TIMM50: variants seen among roughly 807,000 people sequenced by gnomAD.
TIMM50 encodes translocase of inner mitochondrial membrane 50, also known as mitochondrial import inner membrane translocase subunit TIM50.
In TIMM50, 34 loss-of-function variants were observed where a neutral mutation model predicts 49.6. The observed-to-expected ratio is 0.69, with a 90% CI of 0.52 to 0.91. TIMM50 has a LOEUF of 0.91. Among genes scored for constraint, TIMM50 ranks in the 40% least tolerant of loss-of-function variants. The pLI, the probability that TIMM50 is intolerant of heterozygous loss-of-function variation, is 0.00. For synonymous variants in TIMM50, 199 were observed against 198.4 expected, an observed-to-expected ratio of 1.00 and a Z score of -0.03; for missense variants, 458 against 477.8, an observed-to-expected ratio of 0.96 and a Z score of 0.39.
chr19:39,491,701 A>G lies in TIMM50; in HGVS notation c.*1881A>G, dbSNP rs2079546215. 1 of 151,446 alleles carries G rather than the reference A, an allele frequency of 6.6e-6. No homozygotes were observed. Among genetic ancestry groups the G allele is most frequent in the African/African-American group, 2.4e-5 (1 of 41,260 alleles). 9.4% of individuals were successfully genotyped at this position (151,446 alleles called of 1,614,324 possible). On this transcript the variant is annotated 3_prime_UTR_variant, in exon 11 of 11. Transcript: ENST00000607714. ...GCCCAGCGAGGTTATGCATACCTGT[A>G]GTCCCAGCTACGTGAGAGGCTGAGG... is the stretch of plus-strand genomic sequence containing the variant.
At position 39,490,773 on chromosome 19, in the gene TIMM50, G is replaced by A. The variant is rs1305054568; in HGVS notation, c.*953G>A. On this transcript the variant is annotated 3_prime_UTR_variant, in exon 11 of 11. Transcript: ENST00000607714. ...GCAGTGGCTCACGCCTGTAATCCCA[G>A]CACTTTGGGAGGCTGAGGTGGGTGG... 1 of 151,988 alleles carries A rather than the reference G, an allele frequency of 6.6e-6. No individual in the cohort carries two copies. Among genetic ancestry groups the A allele is most frequent in the African/African-American group, 2.4e-5 (1 of 41,398 alleles). The allele number at this position is 151,988 out of a possible 1,614,324, so 9.4% of individuals were successfully genotyped here. A position where few individuals can be genotyped will look rare whatever the true frequency, so the allele number is the denominator to read the frequency against.
In TIMM50 at chr19:39,493,112, C is replaced by T. The variant is rs1333245393; in HGVS notation, c.*3292C>T. On this transcript the variant is annotated 3_prime_UTR_variant, in exon 11 of 11. Transcript: ENST00000607714. ...ACTCTAGATTTTTTTTTTTTTGAAG[C>T]CTCTACAAAGGATAATTAAAATTTA... The T allele has an allele frequency of 1.3e-5, 2 of 151,040 alleles. No individual in the cohort carries two copies. The highest frequency in any genetic ancestry group is 1.3e-4 in the Admixed American group (2 of 15,146). The allele number at this position is 151,040 out of a possible 1,614,324, so 9.4% of individuals were successfully genotyped here.
chr19:39,486,472 T>C lies in TIMM50; in HGVS notation c.673T>C (p.Tyr225His). The change falls in exon 8 of 11, where the codon TAC (tyrosine) becomes CAC (histidine). Residue 225 changes from tyrosine to histidine, a missense_variant. Physicochemically the swap from Tyr to His is moderately conservative, Grantham distance 83. Transcript: ENST00000607714. ...SYRLFRDATRYMDGHHVKDIS... is the reference protein window; with the variant it reads ...SYRLFRDATRHMDGHHVKDIS... ...CCGCCTATTCCGGGACGCCACAAGA[T>C]ACATGGATGGACACCATGTAAAGGT... 1 of 1,614,170 alleles carries C rather than the reference T, an allele frequency of 6.2e-7. No individual in the cohort carries two copies.
In TIMM50 at chr19:39,482,916, G is replaced by A; in HGVS notation, c.291G>A (p.Lys97=). 6.2e-7 allele frequency: 1 copy of A among 1,614,132 alleles called. No homozygotes were observed. ...GNNPVDENGA[K]IPDEFDNDPI... is the part of the protein sequence containing the mutation. ...ACCCGGTGGACGAAAATGGTGCCAA[G>A]GTGAGGGGGAAAGAGACCGAGGCCT... Residue 97 remains lysine (K), a splice_region_variant and synonymous_variant, in exon 3 of 11, where the codon AAG becomes AAA. Coordinates refer to ENST00000607714, the MANE Select transcript of TIMM50 (RefSeq NM_001001563.5).
chr19:39,483,299 G>C lies in TIMM50; in HGVS notation c.313+143G>C, dbSNP rs1954063040. 7.3e-6 allele frequency: 8 copies of C among 1,095,808 alleles called. No homozygotes were observed. In the South Asian group the frequency reaches 8.4e-5, roughly 11 times the overall value. The allele number at this position is 1,095,808 out of a possible 1,614,324, so 67.9% of individuals were successfully genotyped here. A position where few individuals can be genotyped will look rare whatever the true frequency, so the allele number is the denominator to read the frequency against. ...GGAGCCAGCAGCTGGATGGCTTTGT[G>C]GGGAGGGACATTACAAAGCCCAAGC... On this transcript the variant is annotated intron_variant, in intron 4 of 10. Transcript: ENST00000607714.
Position 39,493,456 on chromosome 19 carries a change from T to C in TIMM50, c.*3636T>C, listed in dbSNP as rs897730147. 1.3e-5 allele frequency: 2 copies of C among 151,808 alleles called. No homozygotes were observed. The highest frequency in any genetic ancestry group is 4.9e-5 in the African/African-American group (2 of 41,160). 9.4% of individuals were successfully genotyped at this position (151,808 alleles called of 1,614,324 possible). A position where few individuals can be genotyped will look rare whatever the true frequency, so the allele number is the denominator to read the frequency against. ...CATCGCATCCCCTGTGCCTTGCACATATACACCCAGATGGCCTGAAGTAAC... is the reference window on the plus strand; with the variant it reads ...CATCGCATCCCCTGTGCCTTGCACACATACACCCAGATGGCCTGAAGTAAC... On this transcript the variant is annotated 3_prime_UTR_variant, in exon 11 of 11. Coordinates refer to ENST00000607714, the MANE Select transcript of TIMM50 (RefSeq NM_001001563.5).
At position 39,482,925 on chromosome 19, in the gene TIMM50, G is replaced by A; in HGVS notation, c.291+9G>A. On this transcript the variant is annotated intron_variant, in intron 3 of 10. Coordinates refer to ENST00000607714, the MANE Select transcript of TIMM50 (RefSeq NM_001001563.5). ...ACGAAAATGGTGCCAAGGTGAGGGGGAAAGAGACCGAGGCCTTGCCAGGAG... is the reference window on the plus strand; with the variant it reads ...ACGAAAATGGTGCCAAGGTGAGGGGAAAAGAGACCGAGGCCTTGCCAGGAG... 3 of 1,614,166 alleles carry A rather than the reference G, an allele frequency of 1.9e-6. No homozygotes were observed. Among genetic ancestry groups the A allele is most frequent in the South Asian group, 1.1e-5 (1 of 91,088 alleles).
intron 1 of TIMM50, among the ~76,000 whole-genome samples, chr19:39,481,682 C>T (rs1401847365): frequency 1.3e-5 from 2 of 152,148 alleles, no homozygotes; most frequent in East Asian, 1.9e-4. Context: ...TTTTAAAACT[C>T]CTGGCATCCT....
chr19:39,487,310 C>T (rs1568442649), intron 8 of TIMM50, among the ~76,000 whole-genome samples: 1 of 152,082 alleles, frequency 6.6e-6, no homozygotes, highest in Non-Finnish European at 1.5e-5. Context: ...TGCTCTGTCA[C>T]CCAGGCTGGA....
At chr19:39,489,358 G>A (rs1238440402) in intron 10 of TIMM50, among the ~76,000 whole-genome samples, 2 of 152,142 alleles carry the variant, frequency 1.3e-5, no homozygotes, top group Non-Finnish European at 2.9e-5. Context: ...CTCAGGCTCA[G>A]GGGAGGGGTC....
chr19:39,483,739 A>G (rs1404915504), intron 4 of TIMM50, among the ~76,000 whole-genome samples: 2 of 152,248 alleles, frequency 1.3e-5, no homozygotes, highest in Non-Finnish European at 2.9e-5. Context: ...GGGCAGTTGT[A>G]GAATCATGCT....
intron 4 of TIMM50, among the ~76,000 whole-genome samples, chr19:39,483,912 G>C (rs2079488375): frequency 6.6e-6 from 1 of 152,096 alleles, no homozygotes; most frequent in African/African-American, 2.4e-5. Context: ...GGAGTGCAGT[G>C]ATGCAATTTT....
Position 39,488,231 on chromosome 19 carries a change from C to G in TIMM50, c.853+14C>G. On this transcript the variant is annotated intron_variant, in intron 9 of 10. Coordinates refer to ENST00000607714, the MANE Select transcript of TIMM50 (RefSeq NM_001001563.5). Reference sequence around the variant, plus strand: ...CCTTCCTCAAGAGTAAGGCTGACCCCTGATCCCTTGGCCTCTGACCCCAGA... The same window carrying G: ...CCTTCCTCAAGAGTAAGGCTGACCCGTGATCCCTTGGCCTCTGACCCCAGA... 6.2e-7 allele frequency: 1 copy of G among 1,601,438 alleles called. No homozygotes were observed. Among genetic ancestry groups the G allele is most frequent in the Non-Finnish European group, 8.5e-7 (1 of 1,170,306 alleles).
Position 39,480,907 on chromosome 19 carries a change from C to T in TIMM50, c.54C>T (p.Gly18=). The change falls in exon 1 of 11, where the codon GGC becomes GGT. Residue 18 remains glycine (G), a synonymous_variant. Transcript: ENST00000607714. The part of the protein sequence containing the change: ...FSRLRSGLRL[G]SRGLCTRLAT... The stretch of plus-strand genomic sequence containing the variant: ...GCTTGCGAAGCGGGCTCCGGCTCGG[C>T]TCGCGGGGACTGTGCACGAGGTTGG... The T allele has an allele frequency of 6.3e-7, 1 of 1,589,480 alleles. No homozygotes were observed. The highest frequency in any genetic ancestry group is 8.5e-7 in the Non-Finnish European group (1 of 1,174,442).
At position 39,489,931 on chromosome 19, in the gene TIMM50, G is replaced by A. The variant is rs1361473965; in HGVS notation, c.*111G>A. 14 of 1,051,670 alleles carry A rather than the reference G, an allele frequency of 1.3e-5. No homozygotes were observed. The East Asian group carries it at 3.6e-4, about 27-fold the overall frequency. 65.1% of individuals were successfully genotyped at this position (1,051,670 alleles called of 1,614,324 possible). The stretch of plus-strand genomic sequence containing the variant: ...GTACATCCCAGACGCCACACCTGCT[G>A]TGTCCCGAGAGTCTCCAGATGGGGG... On this transcript the variant is annotated 3_prime_UTR_variant, in exon 11 of 11. Coordinates refer to ENST00000607714, the MANE Select transcript of TIMM50 (RefSeq NM_001001563.5).
intron 4 of TIMM50, 114 bp from the exon 5 acceptor site, chr19:39,485,430 A>C: frequency 1.5e-6 from 2 of 1,298,392 alleles, no homozygotes; most frequent in Non-Finnish European, 2.2e-6. Context: ...AGTTGGTTCA[A>C]ACCAGGCAGA....
At chr19:39,489,639 G>A (rs1481265589) in intron 10 of TIMM50, 80 bp from the exon 11 acceptor site, 1 of 1,327,880 alleles carries the variant, frequency 7.5e-7, no homozygotes, top group Non-Finnish European at 1.0e-6. Flanking sequence ...CCTGGGCTGA[G>A]GCCTGGGGAC....
At position 39,492,892 on chromosome 19, in the gene TIMM50, A is replaced by AAAAAAAAC. The variant is rs2079557307; in HGVS notation, c.*3072_*3073insAAAAAAAC. 7.1e-6 allele frequency: 1 copy of AAAAAAAAC among 141,756 alleles called. No individual in the cohort carries two copies. The highest frequency in any genetic ancestry group is 2.8e-5 in the African/African-American group (1 of 35,934). The allele number at this position is 141,756 out of a possible 1,614,324, so 8.8% of individuals were successfully genotyped here. On this transcript the variant is annotated 3_prime_UTR_variant, in exon 11 of 11. Coordinates refer to ENST00000607714, the MANE Select transcript of TIMM50 (RefSeq NM_001001563.5). ...TCTCCAAAAAAAAAAAAAAAAAAAA[A>AAAAAAAAC]CAAAAAAAAAACCAGTTTGACTTTA...
At chr19:39,486,045 A>G in intron 6 of TIMM50, 142 bp from the exon 7 acceptor site, 1 of 1,078,342 alleles carries the variant, frequency 9.3e-7, no homozygotes, top group Non-Finnish European at 1.4e-6. Context: ...GTCACAGCCT[A>G]TGAACTTCTT....
Sources: gnomAD v4.1 joint callset for allele counts (sites outside exome capture counted in the v4.1 genomes callset) on GRCh38, gnomAD v4.1.1 for gene constraint, MANE v1.5 for transcripts, NCBI Gene and HGNC (gene_info 2026-07-23, HGNC 2026-07-21) for gene names.